The following GRIN2C variants were observed in gnomAD, a reference collection of about 807,000 sequenced individuals.
The protein encoded by GRIN2C is glutamate receptor ionotropic, NMDA 2C.
GRIN2C carries 64 observed loss-of-function variants against 77.7 expected under a neutral mutation model. That is an observed-to-expected ratio of 0.82 (90% CI 0.67 to 1.01). The LOEUF is 1.01. GRIN2C is among the 50% of genes least tolerant of loss of function. The pLI, the probability that GRIN2C is intolerant of heterozygous loss-of-function variation, is 0.00. For missense variants in GRIN2C, 1,549 were observed against 1,486.0 expected, an observed-to-expected ratio of 1.04 and a Z score of -0.70; for synonymous variants, 792 against 643.4, an observed-to-expected ratio of 1.23 and a Z score of -3.49.
intron 1 of GRIN2C, among the ~76,000 whole-genome samples, chr17:74,858,270 C>A (rs955585480): frequency 6.0e-5 from 9 of 151,202 alleles, no homozygotes; most frequent in African/African-American, 1.9e-4. Context: ...TTCCCACTCT[C>A]TCCAATAGGA....
chr17:74,843,167 G>T lies in GRIN2C; in HGVS notation c.2970C>A (p.Asp990Glu). 1 of 410,808 alleles carries T rather than the reference G, an allele frequency of 2.4e-6. No homozygotes were observed. The highest frequency in any genetic ancestry group is 4.2e-6 in the Non-Finnish European group (1 of 236,056). 25.4% of individuals were successfully genotyped at this position (410,808 alleles called of 1,614,324 possible). A position where few individuals can be genotyped will look rare whatever the true frequency, so the allele number is the denominator to read the frequency against. ...RPPTPGPPLS[D>E]VSRVSRRPAW... ...CTGGGCGGCGCGACACTCGGGAGAC[G>T]TCGGACAGGGGCGGCCCCGGCGTCG... is the stretch of plus-strand genomic sequence containing the variant. The change falls in exon 13 of 13, where the codon GAC (aspartate) becomes GAA (glutamate). Residue 990 changes from aspartate (D) to glutamate (E), a missense_variant. Physicochemically the swap from Asp to Glu is conservative, Grantham distance 45. Coordinates refer to ENST00000293190, the MANE Select transcript of GRIN2C (RefSeq NM_000835.6).
At chr17:74,845,599 A>G (rs903114143) in intron 11 of GRIN2C, among the ~76,000 whole-genome samples, 1 of 151,924 alleles carries the variant, frequency 6.6e-6, no homozygotes, top group Non-Finnish European at 1.5e-5. Flanking sequence ...CAAGAATGGA[A>G]CTCCTCCAAA....
rs747940394 is a variant in GRIN2C at position 74,850,384 on chromosome 17, C to T, written c.1326-13G>A. ...CACGTCCCCGCTGCTGCAGCCATGC[C>T]GCCATGAGACCACCGGGAGTCAGAG... On this transcript the variant is annotated splice_polypyrimidine_tract_variant and intron_variant, in intron 5 of 12. Transcript: ENST00000293190. This position sits in a 1 kb window ranked among gnomAD's most constrained non-coding sequence, Gnocchi z 5.3. 2.1e-5 allele frequency: 34 copies of T among 1,606,862 alleles called. No homozygotes were observed. The highest frequency in any genetic ancestry group is 6.7e-5 in the East Asian group (3 of 44,884).
chr17:74,860,579 G>A (rs1357585924), upstream of GRIN2C: 3 of 444,620 alleles, frequency 6.7e-6, no homozygotes, highest in Admixed American at 4.8e-5. Context: ...CCCCGCCGTC[G>A]GGGATCCTGG....
rs1354543293 is a variant in GRIN2C, at chr17:74,849,905, A to G, written c.1520T>C (p.Ile507Thr). The change falls in exon 7 of 13, where the codon ATC (isoleucine) becomes ACC (threonine). Residue 507 changes from isoleucine (I) to threonine (T), a missense_variant. Ile to Thr is a moderately conservative substitution (Grantham distance 89, BLOSUM62 -1). Around this residue, in one of 3 missense-constraint regions of GRIN2C, gnomAD observed 717 missense variants for 858.1 expected, o/e 0.84. Coordinates refer to ENST00000293190, the MANE Select transcript of GRIN2C (RefSeq NM_000835.6). The surrounding 1 kb of genome is among the most constrained non-coding windows in gnomAD (Gnocchi z 4.6). ...EVYYKRADMA[I>T]GSLTINEERS... ...TTCCTCATTGATGGTGAGGGAGCCG[A>G]TGGCCATGTCTGCCCGCTTGTAGTA... is the stretch of plus-strand genomic sequence containing the variant. 5 of 1,613,458 alleles carry G rather than the reference A, an allele frequency of 3.1e-6. No individual in the cohort carries two copies. Among genetic ancestry groups the G allele is most frequent in the Non-Finnish European group, 4.2e-6 (5 of 1,179,836 alleles).
At chr17:74,851,095 G>A (rs2037629111) in intron 4 of GRIN2C, 5 of 396,820 alleles carry the variant, frequency 1.3e-5, no homozygotes, top group African/African-American at 2.0e-5. Context: ...TTCCAGGCTA[G>A]CACCTCTTCC....
Position 74,842,425 on chromosome 17 carries a change from G to A in GRIN2C, c.*10C>T, listed in dbSNP as rs1452297459. On this transcript the variant is annotated 3_prime_UTR_variant, in exon 13 of 13. Coordinates refer to ENST00000293190, the MANE Select transcript of GRIN2C (RefSeq NM_000835.6). Reference sequence around the variant, plus strand: ...AATCCAGCTGGCTCGGAGCCTGAGTGGCTGATAACTCACACTTCTGACTCC... The same window carrying A: ...AATCCAGCTGGCTCGGAGCCTGAGTAGCTGATAACTCACACTTCTGACTCC... 5 of 769,202 alleles carry A rather than the reference G, an allele frequency of 6.5e-6. No homozygotes were observed. The highest frequency in any genetic ancestry group is 1.2e-5 in the Non-Finnish European group (5 of 413,490). The allele number at this position is 769,202 out of a possible 1,614,324, so 47.6% of individuals were successfully genotyped here.
chr17:74,842,896 A>T lies in GRIN2C; in HGVS notation c.3241T>A (p.Ser1081Thr). 1 of 572,520 alleles carries T rather than the reference A, an allele frequency of 1.7e-6. No homozygotes were observed. 35.5% of individuals were successfully genotyped at this position (572,520 alleles called of 1,614,324 possible). ...GCCTCGGCCACGGAGCTGGGCAGGG[A>T]AGCGTGACGCGGGCGCGAGCCCCGG... ...WARGSRPRHA[S>T]LPSSVAEAFA... Residue 1081 changes from serine (S) to threonine (T), a missense_variant, in exon 13 of 13, where the codon TCC (serine) becomes ACC (threonine). Ser to Thr is a moderately conservative substitution (Grantham distance 58, BLOSUM62 1). Transcript: ENST00000293190.
intron 1 of GRIN2C, among the ~76,000 whole-genome samples, chr17:74,857,781 C>T (rs2037855452): frequency 6.6e-6 from 1 of 152,212 alleles, no homozygotes. Context: ...AAACATCTCT[C>T]ACCCAAACGG....
chr17:74,851,469 A>C, intron 4 of GRIN2C, 108 bp downstream of exon 4: 1 of 649,164 alleles, frequency 1.5e-6, no homozygotes. Flanking sequence ...CTGGAAGATG[A>C]GGGGTTGGAT....
Position 74,850,242 on chromosome 17 carries a change from C to T in GRIN2C, c.1455G>A (p.Lys485=). The change falls in exon 6 of 13, where the codon AAG becomes AAA. Residue 485 remains lysine (K), a synonymous_variant. Transcript: ENST00000293190. The surrounding 1 kb of genome is among the most constrained non-coding windows in gnomAD (Gnocchi z 5.3). ...LYLVTNGKHG[K]RVRGVWNGMI... is the part of the protein sequence containing the mutation. ...TGCCGTTCCATACGCCGCGCACCCG[C>T]TTGCCATGCTTGCCGTTGGTCACCA... is the stretch of plus-strand genomic sequence containing the variant. The T allele has an allele frequency of 6.2e-7, 1 of 1,613,782 alleles. No individual in the cohort carries two copies. Among genetic ancestry groups the T allele is most frequent in the Non-Finnish European group, 8.5e-7 (1 of 1,179,996 alleles).
At chr17:74,860,004 CG>C (rs2037914990), upstream of GRIN2C, 1 of 152,138 alleles carries the variant, frequency 6.6e-6, no homozygotes, top group Non-Finnish European at 1.5e-5. Context: ...CCGGCGTCCG[CG>C]GCTCCGGGGC....
chr17:74,852,207 G>T lies in GRIN2C; in HGVS notation c.804C>A (p.Thr268=), dbSNP rs775245406. The T allele has an allele frequency of 6.9e-7, 1 of 1,449,582 alleles. No individual in the cohort carries two copies. Among genetic ancestry groups the T allele is most frequent in the Non-Finnish European group, 9.1e-7 (1 of 1,103,594 alleles). 89.8% of individuals were successfully genotyped at this position (1,449,582 alleles called of 1,614,324 possible). A position where few individuals can be genotyped will look rare whatever the true frequency, so the allele number is the denominator to read the frequency against. Residue 268 remains threonine (T), a synonymous_variant, in exon 3 of 13, where the codon ACC becomes ACA. Transcript: ENST00000293190. ...CGACGCTGATGAGGCCCACGGGGAA[G>T]GTGGCGGGGGGCGCATCGGTGCTGC... The part of the protein sequence containing the change: ...ALGSTDAPPA[T]FPVGLISVVT...
rs1363901659 is a variant in GRIN2C at position 74,846,795 on chromosome 17, G to A, written c.2127C>T (p.Arg709=). The A allele has an allele frequency of 5.0e-6, 8 of 1,614,028 alleles. No homozygotes were observed. Among genetic ancestry groups the A allele is most frequent in the Non-Finnish European group, 5.9e-6 (7 of 1,180,034 alleles). The change falls in exon 10 of 13, where the codon CGC becomes CGT. Residue 709 remains arginine (R), a synonymous_variant. Transcript: ENST00000293190. This position sits in a 1 kb window ranked among gnomAD's most constrained non-coding sequence, Gnocchi z 4.4. The part of the protein sequence containing the change: ...MHTHMVKFNQ[R]SVEDALTSLK... ...GGCTGGTGAGCGCGTCCTCCACCGAGCGCTGGTTGAACTTGACCATGTGGG... is the reference window on the plus strand; with the variant it reads ...GGCTGGTGAGCGCGTCCTCCACCGAACGCTGGTTGAACTTGACCATGTGGG...
At chr17:74,843,823 C>T (rs2037377751) in intron 12 of GRIN2C, among the ~76,000 whole-genome samples, 2 of 151,996 alleles carry the variant, frequency 1.3e-5, no homozygotes, top group Admixed American at 1.3e-4. Flanking sequence ...GGACTCTGAC[C>T]CTCTTCAACC....
At chr17:74,858,625 C>T (rs1217779845) in intron 1 of GRIN2C, among the ~76,000 whole-genome samples, 2 of 145,868 alleles carry the variant, frequency 1.4e-5, no homozygotes, top group African/African-American at 5.1e-5. Flanking sequence ...ACCTACCCAC[C>T]CCCGCCAGCC....
chr17:74,851,251 A>T (rs547808971), intron 4 of GRIN2C: 1 of 344,204 alleles, frequency 2.9e-6, no homozygotes, highest in East Asian at 5.2e-5. Flanking sequence ...CTACTCAAGC[A>T]CTTGTCCCTG....
chr17:74,858,977 G>A (rs538212777), intron 1 of GRIN2C, among the ~76,000 whole-genome samples: 4 of 152,210 alleles, frequency 2.6e-5, no homozygotes, highest in South Asian at 4.1e-4. Flanking sequence ...CAGGGACTGC[G>A]GCCAGGCTGG....
At position 74,849,738 on chromosome 17, in the gene GRIN2C, C is replaced by T; in HGVS notation, c.1645+42G>A. 6.3e-7 allele frequency: 1 copy of T among 1,582,386 alleles called. No homozygotes were observed. The highest frequency in any genetic ancestry group is 8.6e-7 in the Non-Finnish European group (1 of 1,166,276). ...AGCTGTACACACCCTCCTCGTGGGC[C>T]CCTCTGCCCCCGGAGCCGTCTCTGC... is the stretch of plus-strand genomic sequence containing the variant. On this transcript the variant is annotated intron_variant, in intron 7 of 12. Transcript: ENST00000293190. The surrounding 1 kb of genome is among the most constrained non-coding windows in gnomAD (Gnocchi z 4.6).
Sources: gnomAD v4.1 joint callset for allele counts (sites outside exome capture counted in the v4.1 genomes callset) on GRCh38, gnomAD v4.1.1 for gene constraint, gnomAD v4.1.1 regional missense constraint, Gnocchi (gnomAD v3.1) non-coding constraint, MANE v1.5 for transcripts, NCBI Gene and HGNC (gene_info 2026-07-23, HGNC 2026-07-21) for gene names.